Variants in COLEC12 observed in about 807,000 individuals in gnomAD.
COLEC12 encodes the protein collectin subfamily member 12.
A neutral mutation model predicts 71.1 loss-of-function variants in COLEC12; 33 were observed. The ratio of observed to expected loss-of-function variants is 0.46; its 90% CI spans 0.35 to 0.62. COLEC12 has a LOEUF of 0.62. Among genes scored for constraint, COLEC12 ranks in the 20% least tolerant of loss-of-function variants. COLEC12 has a pLI of 0.00. For missense variants in COLEC12, 765 were observed against 916.1 expected, an observed-to-expected ratio of 0.84 and a Z score of 2.13; for synonymous variants, 350 against 353.0, an observed-to-expected ratio of 0.99 and a Z score of 0.10.
chr18:345,608 A>G (rs1000773108), intron 5 of COLEC12, among the ~76,000 whole-genome samples: 5 of 152,210 alleles, frequency 3.3e-5, no homozygotes, highest in African/African-American at 1.2e-4. Context: ...TCATCTACTC[A>G]TGACATGTAA....
chr18:363,701 G>A (rs931683433), intron 2 of COLEC12, among the ~76,000 whole-genome samples: 17 of 152,082 alleles, frequency 1.1e-4, no homozygotes, highest in African/African-American at 3.6e-4. Context: ...TGAATGTTAC[G>A]CAATATCACT....
At chr18:376,000 A>G (rs1915105219) in intron 2 of COLEC12, among the ~76,000 whole-genome samples, 1 of 152,248 alleles carries the variant, frequency 6.6e-6, no homozygotes, top group Non-Finnish European at 1.5e-5. Context: ...ACAGATTCCA[A>G]GATGGAGGCT....
At chr18:374,543 G>C (rs1915071608) in intron 2 of COLEC12, among the ~76,000 whole-genome samples, 2 of 152,182 alleles carry the variant, frequency 1.3e-5, no homozygotes, top group Admixed American at 1.3e-4. Context: ...ACCACCTGTA[G>C]GCCTGAGGCT....
At chr18:444,810 C>T (rs1327798188) in intron 2 of COLEC12, among the ~76,000 whole-genome samples, 1 of 152,160 alleles carries the variant, frequency 6.6e-6, no homozygotes, top group African/African-American at 2.4e-5. Flanking sequence ...GTTAAGTTGT[C>T]AGAAACAATA....
At chr18:373,096 G>A (rs948363183) in intron 2 of COLEC12, among the ~76,000 whole-genome samples, 3 of 152,194 alleles carry the variant, frequency 2.0e-5, no homozygotes, top group African/African-American at 7.2e-5. Flanking sequence ...TCTGTGATAA[G>A]AGCCTCTTAG....
At chr18:481,330 C>G (rs998389287) in intron 1 of COLEC12, among the ~76,000 whole-genome samples, 1 of 110,726 alleles carries the variant, frequency 9.0e-6, no homozygotes, top group East Asian at 2.0e-4. Context: ...TAACTGGGAC[C>G]AACCGATGGT....
At chr18:451,044 A>T (rs1175247375) in intron 2 of COLEC12, among the ~76,000 whole-genome samples, 3 of 152,258 alleles carry the variant, frequency 2.0e-5, no homozygotes, top group Non-Finnish European at 4.4e-5. Flanking sequence ...CAAAACATTC[A>T]AGATGTGGCT....
intron 2 of COLEC12, among the ~76,000 whole-genome samples, chr18:456,539 G>A (rs7234080): frequency 0.23 from 34,409 of 152,098 alleles, 4,775 homozygotes; most frequent in East Asian, 0.5. Flanking sequence ...CTGCGTTACC[G>A]ACGATCTGTT....
chr18:340,087 A>C (rs535897142), intron 5 of COLEC12, among the ~76,000 whole-genome samples: 33 of 151,540 alleles, frequency 2.2e-4, no homozygotes, highest in African/African-American at 7.3e-4. Flanking sequence ...AAAAAAAAAA[A>C]AAAACAAAAA....
At chr18:326,804 G>A (rs1328823243) in intron 8 of COLEC12, among the ~76,000 whole-genome samples, 1 of 152,188 alleles carries the variant, frequency 6.6e-6, no homozygotes, top group Non-Finnish European at 1.5e-5. Context: ...CAAGTCAGTT[G>A]ATTGTGTCTA....
intron 2 of COLEC12, among the ~76,000 whole-genome samples, chr18:392,616 C>T (rs565741013): frequency 3.3e-5 from 5 of 152,308 alleles, no homozygotes; most frequent in African/African-American, 1.2e-4. Flanking sequence ...GTTTGTGCAT[C>T]ACACAATTAC....
chr18:484,449 T>C (rs546340430), intron 1 of COLEC12, among the ~76,000 whole-genome samples: 1 of 152,234 alleles, frequency 6.6e-6, no homozygotes, highest in Admixed American at 6.5e-5. Flanking sequence ...AATAAAATAG[T>C]CTCTATCTCA....
intron 1 of COLEC12, among the ~76,000 whole-genome samples, chr18:493,691 T>C (rs1598382709): frequency 6.6e-6 from 1 of 152,244 alleles, no homozygotes; most frequent in South Asian, 2.1e-4. Flanking sequence ...TAATACCAAA[T>C]ATTTGTTTAA....
chr18:449,370 A>G lies in COLEC12; in HGVS notation c.58+31337T>C, dbSNP rs1916714027. 2.6e-5 allele frequency among the ~76,000 whole-genome samples: 4 copies of G among 152,210 alleles called. No individual in the cohort carries two copies. In the South Asian group the frequency reaches 8.3e-4, roughly 31 times the overall value. ...CTCCACTTACTGTTGTTTACACTCT[A>G]AACTAGTCGCTCTAAAATATAGTTT... On this transcript the variant is annotated intron_variant, in intron 2 of 9. Transcript: ENST00000400256.
chr18:369,684 C>T (rs149860213), intron 2 of COLEC12, among the ~76,000 whole-genome samples: 187 of 152,084 alleles, frequency 1.2e-3, no homozygotes, highest in African/African-American at 3.4e-3. Flanking sequence ...ATCTCTGTGG[C>T]GTGATTATAA....
intron 1 of COLEC12, among the ~76,000 whole-genome samples, chr18:485,251 G>A (rs924137481): frequency 1.3e-5 from 2 of 152,202 alleles, no homozygotes; most frequent in Admixed American, 6.5e-5. Flanking sequence ...TCTGAGGTCA[G>A]TCTCTTTAGC....
Position 334,731 on chromosome 18 carries a change from C to T in COLEC12, c.1816+11G>A, listed in dbSNP as rs746114826. ...CCTGTCCCCCTGGCTGGAGGGAGGGCTTGGACTTACCATTGTCCTCCGGTG... is the reference window on the plus strand; with the variant it reads ...CCTGTCCCCCTGGCTGGAGGGAGGGTTTGGACTTACCATTGTCCTCCGGTG... On this transcript the variant is annotated intron_variant, in intron 6 of 9. Transcript: ENST00000400256. 1 of 1,464,082 alleles carries T rather than the reference C, an allele frequency of 6.8e-7. No homozygotes were observed. Among genetic ancestry groups the T allele is most frequent in the Admixed American group, 2.7e-5 (1 of 36,930 alleles). The allele number at this position is 1,464,082 out of a possible 1,614,324, so 90.7% of individuals were successfully genotyped here. A position where few individuals can be genotyped will look rare whatever the true frequency, so the allele number is the denominator to read the frequency against.
Position 318,198 on chromosome 18 carries a change from T to C in COLEC12, c.*1847A>G, listed in dbSNP as rs1913598287. On this transcript the variant is annotated 3_prime_UTR_variant, in exon 10 of 10. Transcript: ENST00000400256. The stretch of plus-strand genomic sequence containing the variant: ...GGTTTCACCGTGTTAGCCAGGATGG[T>C]CTCGATCTCCTGACCTTGTGATCCG... The C allele has an allele frequency of 6.6e-6, 1 of 151,912 alleles. No individual in the cohort carries two copies. The highest frequency in any genetic ancestry group is 1.5e-5 in the Non-Finnish European group (1 of 67,972). 9.4% of individuals were successfully genotyped at this position (151,912 alleles called of 1,614,324 possible).
chr18:363,228 T>C (rs1470285094), intron 2 of COLEC12, among the ~76,000 whole-genome samples: 1 of 152,014 alleles, frequency 6.6e-6, no homozygotes, highest in Admixed American at 6.5e-5. Context: ...CCGATCTTTT[T>C]GCAGAAAAAA....
Sources: allele counts gnomAD v4.1 joint callset (sites outside exome capture counted in the v4.1 genomes callset), GRCh38; gene constraint gnomAD v4.1.1; transcripts MANE v1.5; gene names NCBI Gene and HGNC (gene_info 2026-07-23, HGNC 2026-07-21).